Variants in TSEN34 observed in about 807,000 individuals in gnomAD.
TSEN34 encodes tRNA-splicing endonuclease subunit Sen34.
Under a neutral mutation model 30.2 loss-of-function variants are expected in TSEN34, and 25 were observed. The observed-to-expected ratio is 0.83, with a 90% CI of 0.60 to 1.16. TSEN34 has a LOEUF of 1.16. Among genes scored for constraint, TSEN34 ranks in the 50% most tolerant of loss-of-function variants. The pLI, the probability that TSEN34 is intolerant of heterozygous loss-of-function variation, is 0.00. For synonymous variants in TSEN34, 209 were observed against 177.4 expected (o/e 1.18, Z -1.41); for missense variants, 475 against 411.9 (o/e 1.15, Z -1.33).
chr19:54,191,990 G>A (rs1379881470), intron 2 of TSEN34, 26 bp downstream of exon 2: 5 of 1,614,126 alleles, frequency 3.1e-6, no homozygotes, highest in Middle Eastern at 3.3e-4. Flanking sequence ...GGAGTCCAGG[G>A]ACCACGGGAA....
In TSEN34 at chr19:54,191,859, G is replaced by A. The variant is rs886406263; in HGVS notation, c.382G>A (p.Glu128Lys). ...EGQAAKKQKL[E>K]QASGASSSQE... The stretch of plus-strand genomic sequence containing the variant: ...CCAGGCTGCTAAGAAGCAGAAACTA[G>A]AACAGGCTTCAGGGGCCAGCTCAAG... The change falls in exon 2 of 4, where the codon GAA becomes AAA. Residue 128 changes from glutamate to lysine, a missense_variant. Physicochemically the swap from Glu to Lys is moderately conservative, Grantham distance 56. Coordinates refer to ENST00000396388, the MANE Select transcript of TSEN34 (RefSeq NM_001077446.4). The A allele has an allele frequency of 1.2e-6, 2 of 1,614,162 alleles. No homozygotes were observed. The highest frequency in any genetic ancestry group is 1.7e-6 in the Non-Finnish European group (2 of 1,180,022).
chr19:54,191,221 G>A (rs575543868), upstream of TSEN34: 4 of 1,430,224 alleles, frequency 2.8e-6, no homozygotes, highest in East Asian at 2.8e-5. Context: ...CCAGCAGGTG[G>A]TGAACGGCGG....
chr19:54,190,132 C>T, upstream of TSEN34: 5 of 550,082 alleles, frequency 9.1e-6, no homozygotes, highest in South Asian at 1.1e-4. Flanking sequence ...CCTCAAGTTC[C>T]CAAGTAGAGG....
upstream of TSEN34, chr19:54,190,767 A>C: frequency 8.6e-7 from 1 of 1,157,380 alleles, no homozygotes; most frequent in South Asian, 3.2e-5. Flanking sequence ...TGTGCTCGGG[A>C]GGGGGCAGGG....
Position 54,194,509 on chromosome 19 carries a change from A to G in TSEN34, c.*1147A>G, listed in dbSNP as rs1039170777. 3.3e-5 allele frequency: 5 copies of G among 152,244 alleles called. No homozygotes were observed. The highest frequency in any genetic ancestry group is 7.3e-5 in the Non-Finnish European group (5 of 68,052). 9.4% of individuals were successfully genotyped at this position (152,244 alleles called of 1,614,324 possible). A position where few individuals can be genotyped will look rare whatever the true frequency, so the allele number is the denominator to read the frequency against. On this transcript the variant is annotated 3_prime_UTR_variant, in exon 4 of 4. Transcript: ENST00000396388. ...GTACTAGAACACTACCACTATTCCA[A>G]TAATTACACCTTTATCTTATCAATG...
At chr19:54,190,366 T>G, upstream of TSEN34, 1 of 1,517,720 alleles carries the variant, frequency 6.6e-7, no homozygotes. Context: ...AATTACTGTT[T>G]ATGAGGTGAC....
chr19:54,190,161 A>C, upstream of TSEN34: 1 of 574,122 alleles, frequency 1.7e-6, no homozygotes, highest in South Asian at 2.0e-5. Flanking sequence ...CGGCAGAGGG[A>C]GGTGCGCTCA....
At position 54,192,320 on chromosome 19, in the gene TSEN34, G is replaced by A; in HGVS notation, c.692G>A (p.Gly231Asp). Reference protein sequence around the residue: ...YSIYRDLWERGFFLSAAGKFG... With the variant: ...YSIYRDLWERDFFLSAAGKFG... ...ATCTACAGAGACCTGTGGGAGCGAGGCTTCTTCCTCAGTGCGGCTGGCAAG... is the reference window on the plus strand; with the variant it reads ...ATCTACAGAGACCTGTGGGAGCGAGACTTCTTCCTCAGTGCGGCTGGCAAG... The change falls in exon 3 of 4, where the codon GGC becomes GAC. Residue 231 changes from glycine (G) to aspartate (D), a missense_variant. By Grantham distance (94) the Gly-to-Asp change is moderately conservative. Coordinates refer to ENST00000396388, the MANE Select transcript of TSEN34 (RefSeq NM_001077446.4). 1 of 1,614,182 alleles carries A rather than the reference G, an allele frequency of 6.2e-7. No homozygotes were observed.
In TSEN34 at chr19:54,191,594, G is replaced by A. The variant is rs200004897; in HGVS notation, c.230G>A (p.Arg77Gln). ...TLVSAPRPDS[R>Q]HHSLALTSFK... ...GTCAGCGCCCCGCGTCCAGACTCTC[G>A]GCACCACAGCCTGGTAAGGGGGCGG... Residue 77 changes from arginine (R) to glutamine (Q), a missense_variant, in exon 1 of 4, where the codon CGG becomes CAG. Transcript: ENST00000396388. The A allele has an allele frequency of 1.0e-5, 16 of 1,603,402 alleles. No individual in the cohort carries two copies. The East Asian group carries it at 2.9e-4, about 29-fold the overall frequency.
At chr19:54,190,592 C>T, upstream of TSEN34, 4 of 1,240,268 alleles carry the variant, frequency 3.2e-6, no homozygotes, top group Admixed American at 4.0e-5. Context: ...CGCGAGGCTG[C>T]CGGGAGCCGA....
intron 3 of TSEN34, 84 bp downstream of exon 3, chr19:54,192,457 G>A: frequency 3.3e-6 from 4 of 1,206,964 alleles, no homozygotes; most frequent in Middle Eastern, 2.7e-4. Flanking sequence ...TTTTTTTTTT[G>A]TCTTAATAGA....
upstream of TSEN34, chr19:54,190,319 G>T: frequency 1.3e-6 from 2 of 1,497,940 alleles, no homozygotes; most frequent in South Asian, 1.2e-5. Context: ...AGGAGCGCGT[G>T]GCGCGGTGCG....
upstream of TSEN34, chr19:54,190,719 AT>A (rs1200840216): frequency 8.2e-7 from 1 of 1,214,252 alleles, no homozygotes; most frequent in Non-Finnish European, 1.0e-6. Flanking sequence ...GGGGCTGCGG[AT>A]TCGGTGGAGC....
At chr19:54,190,395 G>T, upstream of TSEN34, 1 of 1,491,176 alleles carries the variant, frequency 6.7e-7, no homozygotes, top group South Asian at 1.3e-5. Flanking sequence ...TCTATCGGTG[G>T]ACAGTGGGAC....
chr19:54,191,834 C>A lies in TSEN34; in HGVS notation c.357C>A (p.Gly119=). The A allele has an allele frequency of 6.2e-7, 1 of 1,614,124 alleles. No individual in the cohort carries two copies. The change falls in exon 2 of 4, where the codon GGC becomes GGA. Residue 119 remains glycine, a synonymous_variant. Transcript: ENST00000396388. ...AGCTCCTGGAGAAGATTACGGAGGGCCAGGCTGCTAAGAAGCAGAAACTAG... is the reference window on the plus strand; with the variant it reads ...AGCTCCTGGAGAAGATTACGGAGGGACAGGCTGCTAAGAAGCAGAAACTAG... ...RQELLEKITE[G]QAAKKQKLEQ...
chr19:54,191,441 T>C lies in TSEN34; in HGVS notation c.77T>C (p.Leu26Pro). ...GCGGTGCAGGCCCTCCGGGAGCGCC[T>C]GGGTGTGGGGGGCCGCACGGTAGGC... is the stretch of plus-strand genomic sequence containing the variant. ...AEAVQALRERLGVGGRTVGAL... is the reference protein window; with the variant it reads ...AEAVQALRERPGVGGRTVGAL... The change falls in exon 1 of 4, where the codon CTG becomes CCG. Residue 26 changes from leucine to proline, a missense_variant. Leu to Pro is a moderately conservative substitution (Grantham distance 98). Transcript: ENST00000396388. The C allele has an allele frequency of 6.5e-7, 1 of 1,548,002 alleles. No individual in the cohort carries two copies.
rs760290834 is a variant in TSEN34 at position 54,191,482 on chromosome 19, C to T, written c.118C>T (p.Pro40Ser). Residue 40 changes from proline (P) to serine (S), a missense_variant, in exon 1 of 4, where the codon CCC (proline) becomes TCC (serine). Physicochemically the swap from Pro to Ser is moderately conservative, Grantham distance 74. Transcript: ENST00000396388. Reference protein sequence around the residue: ...GRTVGALPRGPRQNSRLGLPL... With the variant: ...GRTVGALPRGSRQNSRLGLPL... ...CACGGTAGGCGCCCTGCCCCGCGGG[C>T]CCCGCCAGAACTCGCGCCTGGGCCT... is the stretch of plus-strand genomic sequence containing the variant. The T allele has an allele frequency of 1.3e-6, 2 of 1,557,360 alleles. No homozygotes were observed. Among genetic ancestry groups the T allele is most frequent in the Non-Finnish European group, 1.7e-6 (2 of 1,154,594 alleles).
At chr19:54,189,455 C>T (rs2147056785), upstream of TSEN34, 1 of 152,798 alleles carries the variant, frequency 6.5e-6, no homozygotes, top group South Asian at 2.0e-4. Context: ...TCTGGGCGCC[C>T]GCCGGGCTGC....
upstream of TSEN34, chr19:54,191,120 G>A (rs1484316774): frequency 6.0e-6 from 8 of 1,340,444 alleles, no homozygotes; most frequent in Non-Finnish European, 7.6e-6. Flanking sequence ...CTTGGCGAGG[G>A]GAGAGGGTCG....
Sources: gnomAD v4.1 joint callset for allele counts on GRCh38, gnomAD v4.1.1 for gene constraint, MANE v1.5 for transcripts, NCBI Gene and HGNC (gene_info 2026-07-23, HGNC 2026-07-21) for gene names.